GRIA4: variants seen among roughly 807,000 people sequenced by gnomAD.
GRIA4 encodes the protein glutamate receptor 4.
GRIA4 carries 34 observed loss-of-function variants against 104.0 expected under a neutral mutation model. The ratio of observed to expected loss-of-function variants is 0.33; its 90% CI spans 0.25 to 0.44. The LOEUF is 0.44. GRIA4 is among the 20% of genes least tolerant of loss of function. The probability of loss-of-function intolerance (pLI) is 1.00; values close to 1 mark genes in which losing one functional copy is unlikely to be tolerated. For missense variants in GRIA4, 750 were observed against 1,096.5 expected (o/e 0.68, Z 4.46); for synonymous variants, 386 against 381.9 (o/e 1.01, Z -0.13).
chr11:105,846,754 T>A (rs1944611333), intron 4 of GRIA4, among the ~76,000 whole-genome samples: 1 of 152,156 alleles, frequency 6.6e-6, no homozygotes, highest in Admixed American at 6.6e-5. Context: ...AATGATGGAA[T>A]CATAAAGAAA....
intron 14 of GRIA4, among the ~76,000 whole-genome samples, chr11:105,960,982 C>T (rs1291272413): frequency 6.6e-6 from 1 of 152,138 alleles, no homozygotes; most frequent in African/African-American, 2.4e-5. Flanking sequence ...ACCTTGGTTG[C>T]CTGTGAAGGA....
At chr11:105,918,310 T>G (rs967515791) in intron 10 of GRIA4, among the ~76,000 whole-genome samples, 3 of 152,172 alleles carry the variant, frequency 2.0e-5, no homozygotes, top group African/African-American at 7.2e-5. Context: ...ACCTGTGACC[T>G]TGAATTAGTC....
At chr11:105,644,086 C>T (rs531047513) in intron 3 of GRIA4, among the ~76,000 whole-genome samples, 4 of 152,148 alleles carry the variant, frequency 2.6e-5, no homozygotes, top group Admixed American at 6.5e-5. Context: ...TGAGAAAAAA[C>T]CAGCATAGAA....
chr11:105,952,726 T>C (rs147995254), intron 14 of GRIA4, among the ~76,000 whole-genome samples: 1 of 152,304 alleles, frequency 6.6e-6, no homozygotes, highest in African/African-American at 2.4e-5. Flanking sequence ...CTTAATTACA[T>C]ATATGTCATC....
intron 4 of GRIA4, among the ~76,000 whole-genome samples, chr11:105,815,836 CT>C (rs1202905335): frequency 6.6e-6 from 1 of 152,178 alleles, no homozygotes; most frequent in Admixed American, 6.5e-5. Context: ...GCCTTACCTT[CT>C]TATGAAATCT....
At chr11:105,713,777 A>T (rs939109181) in intron 3 of GRIA4, among the ~76,000 whole-genome samples, 20 of 152,192 alleles carry the variant, frequency 1.3e-4, no homozygotes, top group African/African-American at 4.6e-4. Context: ...AAGATGCACA[A>T]ATAGGTCCAG....
chr11:105,959,251 C>T (rs1341469753), intron 14 of GRIA4, among the ~76,000 whole-genome samples: 1 of 152,172 alleles, frequency 6.6e-6, no homozygotes, highest in African/African-American at 2.4e-5. Context: ...GTACTCAAAT[C>T]AATCGTAGGT....
chr11:105,803,786 TAAGCTTCTG>T (rs1942824463), intron 4 of GRIA4, among the ~76,000 whole-genome samples: 1 of 147,140 alleles, frequency 6.8e-6, no homozygotes, highest in Non-Finnish European at 1.5e-5. Context: ...GTTCTCAAAG[TAAGCTTCTG>T]ATATAGTTGG....
intron 11 of GRIA4, among the ~76,000 whole-genome samples, chr11:105,919,632 T>C (rs1175868301): frequency 2.0e-5 from 3 of 152,146 alleles, no homozygotes; most frequent in African/African-American, 4.8e-5. Flanking sequence ...TAAATGTTCC[T>C]GCCTGAATCA....
intron 12 of GRIA4, 68 bp from the exon 13 acceptor site, chr11:105,926,673 C>G: frequency 1.1e-6 from 1 of 920,086 alleles, no homozygotes; most frequent in Non-Finnish European, 1.8e-6. Flanking sequence ...GGTGAATTGA[C>G]GGTATTTCTT....
At chr11:105,736,102 T>C (rs1017917816) in intron 3 of GRIA4, among the ~76,000 whole-genome samples, 17 of 152,120 alleles carry the variant, frequency 1.1e-4, no homozygotes, top group African/African-American at 4.1e-4. Flanking sequence ...TACTCAGATA[T>C]AAAGATTCTA....
intron 5 of GRIA4, among the ~76,000 whole-genome samples, chr11:105,870,834 G>C (rs1295894652): frequency 6.6e-6 from 1 of 152,042 alleles, no homozygotes; most frequent in African/African-American, 2.4e-5. Flanking sequence ...AAACATGATT[G>C]ACGTCGTGTT....
chr11:105,892,554 G>A (rs679914), intron 6 of GRIA4, among the ~76,000 whole-genome samples: 29,653 of 151,974 alleles, frequency 0.2, 2,989 homozygotes, highest in Admixed American at 0.25. Flanking sequence ...TGACTTGTTT[G>A]CATTTAGGTG....
At chr11:105,879,532 C>G (rs369764148) in intron 5 of GRIA4, among the ~76,000 whole-genome samples, 68 of 152,314 alleles carry the variant, frequency 4.5e-4, no homozygotes, top group African/African-American at 1.4e-3. Context: ...AGCTTTTCTG[C>G]TAATTTGCTT....
intron 3 of GRIA4, among the ~76,000 whole-genome samples, chr11:105,688,151 T>TC (rs2135485708): frequency 2.0e-5 from 1 of 49,186 alleles, no homozygotes; most frequent in East Asian, 5.0e-4. Context: ...TATCTATATC[T>TC]ATATCTCTAT....
intron 7 of GRIA4, among the ~76,000 whole-genome samples, chr11:105,899,052 A>G (rs1243041704): frequency 6.6e-6 from 1 of 152,158 alleles, no homozygotes; most frequent in Non-Finnish European, 1.5e-5. Flanking sequence ...GCCCCTACCT[A>G]ATAAGGCACC....
chr11:105,741,842 G>A (rs1939329715), intron 3 of GRIA4, among the ~76,000 whole-genome samples: 1 of 152,106 alleles, frequency 6.6e-6, no homozygotes, highest in African/African-American at 2.4e-5. Flanking sequence ...CAAGAATGGT[G>A]GTTACCAGGC....
intron 14 of GRIA4, among the ~76,000 whole-genome samples, chr11:105,936,079 G>A (rs1461396867): frequency 1.3e-5 from 2 of 152,108 alleles, no homozygotes; most frequent in Middle Eastern, 3.2e-3. Flanking sequence ...TGAGAACACT[G>A]GAAGGGCACT....
chr11:105,839,463 T>C (rs1944312599), intron 4 of GRIA4, among the ~76,000 whole-genome samples: 1 of 146,842 alleles, frequency 6.8e-6, no homozygotes. Context: ...TTTTTTTACC[T>C]TTTTAGATCA....
Sources: gnomAD v4.1 joint callset for allele counts (sites outside exome capture counted in the v4.1 genomes callset) on GRCh38, gnomAD v4.1.1 for gene constraint, MANE v1.5 for transcripts, NCBI Gene and HGNC (gene_info 2026-07-23, HGNC 2026-07-21) for gene names.